Variants in JAG2 observed in about 807,000 individuals in gnomAD.
JAG2 encodes protein jagged-2.
JAG2 carries 46 observed loss-of-function variants against 141.7 expected under a neutral mutation model. The ratio of observed to expected loss-of-function variants is 0.32; its 90% CI spans 0.26 to 0.42. JAG2 has a LOEUF of 0.42. Among genes scored for constraint, JAG2 ranks in the 10% least tolerant of loss-of-function variants. JAG2 has a pLI of 1.00. For synonymous variants in JAG2, 862 were observed against 763.5 expected, an observed-to-expected ratio of 1.13 and a Z score of -2.13; for missense variants, 1,500 against 1,817.5, an observed-to-expected ratio of 0.83 and a Z score of 3.18.
At chr14:105,144,531 G>A (rs776765298) in intron 24 of JAG2, among the ~76,000 whole-genome samples, 12 of 151,976 alleles carry the variant, frequency 7.9e-5, no homozygotes, top group Non-Finnish European at 1.6e-4. Flanking sequence ...AGTCTCACCC[G>A]ACCCCCTTGG....
rs955925870 is a variant in JAG2 at position 105,154,301 on chromosome 14, C to T, written c.788+1261G>A. On this transcript the variant is annotated intron_variant, in intron 5 of 25. Transcript: ENST00000331782. This position sits in a 1 kb window ranked among gnomAD's most constrained non-coding sequence, Gnocchi z 4.4. ...GGGAGGTCCTGGGACCCCTGCAATC[C>T]AAGGCTGGCTGGAGGGCGGTGCTCA... 4.6e-5 allele frequency among the ~76,000 whole-genome samples: 7 copies of T among 152,202 alleles called. No individual in the cohort carries two copies. The highest frequency in any genetic ancestry group is 1.7e-4 in the African/African-American group (7 of 41,448).
In JAG2 at chr14:105,168,096, G is replaced by A. The variant is rs1468747443; in HGVS notation, c.78C>T (p.Pro26=). Residue 26 remains proline, a synonymous_variant, in exon 2 of 26, where the codon CCC becomes CCT. Transcript: ENST00000331782. ...TCAGCTGCAGCTCGAAATAGCCCAT[G>A]GGCCGCGCCGCCTAAAAATAAGGCA... ...LLALWVQAAR[P]MGYFELQLSA... is the part of the protein sequence containing the mutation. 6.4e-7 allele frequency: 1 copy of A among 1,557,038 alleles called. No homozygotes were observed. The highest frequency in any genetic ancestry group is 8.6e-7 in the Non-Finnish European group (1 of 1,161,080).
chr14:105,144,442 T>C (rs1487569395), intron 24 of JAG2, among the ~76,000 whole-genome samples: 4 of 152,048 alleles, frequency 2.6e-5, no homozygotes, highest in Non-Finnish European at 4.4e-5. Flanking sequence ...CACTGTGCCA[T>C]GGCCACACCC....
intron 18 of JAG2, 57 bp downstream of exon 18, chr14:105,147,715 A>C: frequency 7.8e-7 from 1 of 1,276,484 alleles, no homozygotes; most frequent in Non-Finnish European, 1.1e-6. Flanking sequence ...AGTCGGGGGC[A>C]GGGATGTCAT....
In JAG2 at chr14:105,142,707, G is replaced by T. The variant is rs772556531; in HGVS notation, c.3705C>A (p.Ala1235=). 6.2e-7 allele frequency: 1 copy of T among 1,600,244 alleles called. No homozygotes were observed. The highest frequency in any genetic ancestry group is 1.3e-5 in the African/African-American group (1 of 74,716). ...CTGGCAGCCGCCCCTACTCCTTGCC[G>T]GCGTAGCGGGCCTCATTGATGCTCC... is the stretch of plus-strand genomic sequence containing the variant. ...AVRSINEARY[A]GKE Residue 1235 remains alanine, a synonymous_variant, in exon 26 of 26, where the codon GCC becomes GCA. Coordinates refer to ENST00000331782, the MANE Select transcript of JAG2 (RefSeq NM_002226.5).
rs373182983 is a variant in JAG2, at chr14:105,151,612, G to A, written c.1153+14C>T. ...TACTAGGCAGGAGTCCCCTACTCAC[G>A]TGCAGACACTCACCAAGGGCACAGG... On this transcript the variant is annotated intron_variant, in intron 8 of 25. Transcript: ENST00000331782. 34 of 1,586,162 alleles carry A rather than the reference G, an allele frequency of 2.1e-5. No individual in the cohort carries two copies. The highest frequency in any genetic ancestry group is 1.7e-4 in the Middle Eastern group (1 of 6,046).
At chr14:105,156,588 G>A (rs1393954277) in intron 3 of JAG2, among the ~76,000 whole-genome samples, 1 of 152,074 alleles carries the variant, frequency 6.6e-6, no homozygotes, top group African/African-American at 2.4e-5. Context: ...AGGGGCCAGG[G>A]GCACCACAGC....
rs774746168 is a variant in JAG2, at chr14:105,160,863, C to CAA, written c.418-3102_418-3101dup. Among the ~76,000 whole-genome samples, 28 of 79,702 alleles carry CAA rather than the reference C, an allele frequency of 3.5e-4. 1 individual carries two copies. The highest frequency in any genetic ancestry group is 8.3e-4 in the African/African-American group (20 of 24,192). 52.3% of individuals were successfully genotyped at this position (79,702 alleles called of 152,430 possible). A position where few individuals can be genotyped will look rare whatever the true frequency, so the allele number is the denominator to read the frequency against. ...GGGCAACGAGGGCAAAACTCCATCT[C>CAA]AAAAAAAAAAAAAAAAGGCCAGGCC... On this transcript the variant is annotated intron_variant, in intron 2 of 25. Transcript: ENST00000331782.
chr14:105,159,188 T>A (rs1349276997), intron 2 of JAG2, among the ~76,000 whole-genome samples: 1 of 139,102 alleles, frequency 7.2e-6, no homozygotes, highest in African/African-American at 2.6e-5. Context: ...GGGCCCAACA[T>A]GACTGCTGAC....
Position 105,149,085 on chromosome 14 carries a change from G to T in JAG2, c.1758C>A (p.Ile586=), listed in dbSNP as rs142004780. The change falls in exon 14 of 26, where the codon ATC becomes ATA. Residue 586 remains isoleucine (I), a synonymous_variant. Coordinates refer to ENST00000331782, the MANE Select transcript of JAG2 (RefSeq NM_002226.5). The stretch of plus-strand genomic sequence containing the variant: ...GCCCCGCGTCTGACCCGCAGCCATC[G>T]ATCACTATGGCAGGCAGTACAGTCA... ...EPCPGGACRV[I]DGCGSDAGPG... 1.9e-6 allele frequency: 3 copies of T among 1,608,060 alleles called. No homozygotes were observed. The highest frequency in any genetic ancestry group is 2.7e-5 in the African/African-American group (2 of 74,774).
chr14:105,158,676 C>T (rs1158825609), intron 2 of JAG2, among the ~76,000 whole-genome samples: 1 of 152,096 alleles, frequency 6.6e-6, no homozygotes, highest in Non-Finnish European at 1.5e-5. Flanking sequence ...CCTCTCAGCC[C>T]TCACTGCCCA....
intron 23 of JAG2, 93 bp from the exon 24 acceptor site, chr14:105,145,154 C>G (rs1888185783): frequency 3.3e-6 from 5 of 1,529,558 alleles, no homozygotes; most frequent in Non-Finnish European, 4.5e-6. Flanking sequence ...GTGGGACACA[C>G]CCTACAGCCC....
chr14:105,150,362 T>C (rs587716127), intron 12 of JAG2, among the ~76,000 whole-genome samples: 1 of 152,020 alleles, frequency 6.6e-6, no homozygotes, highest in Admixed American at 6.5e-5. Flanking sequence ...GCCCGGGGGC[T>C]CCTAGCCCAG....
intron 2 of JAG2, among the ~76,000 whole-genome samples, chr14:105,166,459 T>A (rs928103076): frequency 1.2e-4 from 19 of 152,314 alleles, no homozygotes; most frequent in Non-Finnish European, 2.2e-4. Flanking sequence ...GGCCCTCCCA[T>A]GCCCGCCCCT....
intron 2 of JAG2, among the ~76,000 whole-genome samples, chr14:105,163,150 C>A (rs1036534111): frequency 6.6e-6 from 1 of 152,228 alleles, no homozygotes; most frequent in Non-Finnish European, 1.5e-5. Context: ...CGGAGCACAG[C>A]GCTTGGTGCA....
intron 3 of JAG2, among the ~76,000 whole-genome samples, chr14:105,156,855 G>C (rs1331891906): frequency 6.6e-6 from 1 of 152,002 alleles, no homozygotes; most frequent in Non-Finnish European, 1.5e-5. Flanking sequence ...ACCCCCTCAG[G>C]AAACACCCCT....
At position 105,167,808 on chromosome 14, in the gene JAG2, G is replaced by T; in HGVS notation, c.366C>A (p.Gly122=). ...CGACGAGGCCCGGGTCCTGGTCGCC[G>T]CCGGCCCGGGCCCGCGCCCGCGCTC... is the stretch of plus-strand genomic sequence containing the variant. The part of the protein sequence containing the change: ...GDRARARARA[G]GDQDPGLVVI... Residue 122 remains glycine, a synonymous_variant, in exon 2 of 26, where the codon GGC becomes GGA. Transcript: ENST00000331782. The surrounding 1 kb of genome is among the most constrained non-coding windows in gnomAD (Gnocchi z 4.8). 1 of 1,462,672 alleles carries T rather than the reference G, an allele frequency of 6.8e-7. No homozygotes were observed. Among genetic ancestry groups the T allele is most frequent in the Non-Finnish European group, 9.0e-7 (1 of 1,110,772 alleles). 90.6% of individuals were successfully genotyped at this position (1,462,672 alleles called of 1,614,324 possible).
Position 105,145,967 on chromosome 14 carries a change from AC to A in JAG2, c.2715del (p.Trp905CysfsTer16). ...LDGRRDCSKV[W>X]CGWKPCLLAG... ...GCCAGCAGACAAGGCTTCCATCCGCACCACACCTGGGCAGGCACGCACAGGA... is the reference window on the plus strand; with the variant it reads ...GCCAGCAGACAAGGCTTCCATCCGCACACACCTGGGCAGGCACGCACAGGA... On this transcript the variant is annotated frameshift_variant, in exon 23 of 26. Transcript: ENST00000331782. LOFTEE classifies it high-confidence loss of function. The A allele has an allele frequency of 6.3e-7, 1 of 1,592,472 alleles. No individual in the cohort carries two copies. The highest frequency in any genetic ancestry group is 8.5e-7 in the Non-Finnish European group (1 of 1,171,644).
At position 105,144,961 on chromosome 14, in the gene JAG2, G is replaced by A; in HGVS notation, c.3053C>T (p.Ser1018Phe). 6.2e-7 allele frequency: 1 copy of A among 1,604,352 alleles called. No individual in the cohort carries two copies. The highest frequency in any genetic ancestry group is 1.7e-5 in the Admixed American group (1 of 59,522). ...CACCTCCACAGCACTGGCCCCCGAG[G>A]ACGCCCGGTCGCAAAGCAACACCAG... ...RLLVLLCDRA[S>F]SGASAVEVAV... The change falls in exon 24 of 26, where the codon TCC becomes TTC. Residue 1018 changes from serine (S) to phenylalanine (F), a missense_variant. By Grantham distance (155) the Ser-to-Phe change is radical. Transcript: ENST00000331782.
Sources: gnomAD v4.1 joint callset for allele counts (sites outside exome capture counted in the v4.1 genomes callset) on GRCh38, gnomAD v4.1.1 for gene constraint, Gnocchi (gnomAD v3.1) non-coding constraint, MANE v1.5 for transcripts, NCBI Gene and HGNC (gene_info 2026-07-23, HGNC 2026-07-21) for gene names.